MYO10: variants seen among roughly 807,000 people sequenced by gnomAD.
MYO10 encodes unconventional myosin-X.
In MYO10, 133 loss-of-function variants were observed where a neutral mutation model predicts 257.3. That is an observed-to-expected ratio of 0.52 (90% confidence interval 0.45 to 0.60). The LOEUF (loss-of-function observed/expected upper bound fraction) is 0.60. MYO10 is among the 20% of genes least tolerant of loss of function. The probability of loss-of-function intolerance (pLI) is 0.00; values close to 1 mark genes in which losing one functional copy is unlikely to be tolerated. For synonymous variants in MYO10, 1,104 were observed against 1,028.6 expected, an observed-to-expected ratio of 1.07 and a Z score of -1.40; for missense variants, 2,399 against 2,635.7, an observed-to-expected ratio of 0.91 and a Z score of 1.97.
chr5:16,926,704 CAAA>C (rs34123697), intron 1 of MYO10, among the ~76,000 whole-genome samples: 54 of 134,712 alleles, frequency 4.0e-4, no homozygotes, highest in South Asian at 4.6e-4. Flanking sequence ...TCTGTCCCAG[CAAA>C]AAAAAAAAAA....
At chr5:16,738,432 C>A (rs1268416098) in intron 19 of MYO10, 12 of 984,182 alleles carry the variant, frequency 1.2e-5, no homozygotes, top group Non-Finnish European at 1.4e-5. Context: ...GTCACAGACT[C>A]TTTTTGGAAA....
At chr5:16,717,025 T>C (rs1427908070) in intron 19 of MYO10, among the ~76,000 whole-genome samples, 1 of 152,082 alleles carries the variant, frequency 6.6e-6, no homozygotes, top group Non-Finnish European at 1.5e-5. Context: ...TTAGTAGAGA[T>C]GGGGTTTTCC....
chr5:16,902,710 C>A, intron 1 of MYO10: 1 of 822,300 alleles, frequency 1.2e-6, no homozygotes, highest in Non-Finnish European at 2.0e-6. Flanking sequence ...GGGTTTCAGT[C>A]AAGCTTGTCT....
At chr5:16,880,911 T>C (rs953471279) in intron 1 of MYO10, among the ~76,000 whole-genome samples, 1 of 152,218 alleles carries the variant, frequency 6.6e-6, no homozygotes, top group African/African-American at 2.4e-5. Context: ...AAGTGCCTGA[T>C]GACTTTTTTC....
chr5:16,779,339 G>GT (rs750000077), intron 9 of MYO10, among the ~76,000 whole-genome samples: 1 of 152,084 alleles, frequency 6.6e-6, no homozygotes, highest in Non-Finnish European at 1.5e-5. Flanking sequence ...TCTAAGGAAA[G>GT]AAGAGTCCTC....
intron 27 of MYO10, 32 bp from the exon 28 acceptor site, chr5:16,689,951 C>A: frequency 6.8e-7 from 1 of 1,465,226 alleles, no homozygotes; most frequent in Middle Eastern, 1.7e-4. Context: ...AAACGCACAT[C>A]AGGAACACCA....
intron 36 of MYO10, 129 bp downstream of exon 36, chr5:16,673,553 T>C: frequency 1.2e-6 from 1 of 854,290 alleles, no homozygotes; most frequent in Non-Finnish European, 1.8e-6. Flanking sequence ...ATTTCCTTAG[T>C]ATTGAGAGCT....
intron 2 of MYO10, among the ~76,000 whole-genome samples, chr5:16,875,662 C>G (rs943613440): frequency 1.3e-5 from 2 of 152,194 alleles, no homozygotes; most frequent in African/African-American, 4.8e-5. Flanking sequence ...GAGTTACAAA[C>G]ACAGTATTAA....
rs1388030344 is a variant in MYO10 at position 16,812,408 on chromosome 5, C to T, written c.279+5601G>A. The stretch of plus-strand genomic sequence containing the variant: ...CTCGGTACGGCCTCTGTCCCCTCAG[C>T]GACAAGCCTGGGACAGGAATGCACC... On this transcript the variant is annotated intron_variant, in intron 3 of 40. Transcript: ENST00000513610. 2.0e-5 allele frequency among the ~76,000 whole-genome samples: 3 copies of T among 152,298 alleles called. No individual in the cohort carries two copies. The East Asian group carries it at 5.8e-4, about 29-fold the overall frequency.
chr5:16,857,302 G>A (rs1284913526), intron 2 of MYO10, among the ~76,000 whole-genome samples: 1 of 152,176 alleles, frequency 6.6e-6, no homozygotes, highest in Non-Finnish European at 1.5e-5. Context: ...ACACAATACT[G>A]CTCAATAAGG....
At chr5:16,792,742 G>A (rs1000835484) in intron 4 of MYO10, among the ~76,000 whole-genome samples, 2 of 152,112 alleles carry the variant, frequency 1.3e-5, no homozygotes, top group African/African-American at 2.4e-5. Flanking sequence ...TGTGATTCGG[G>A]GCTGCAGTGC....
chr5:16,841,816 A>G (rs537192834), intron 2 of MYO10, among the ~76,000 whole-genome samples: 5 of 152,196 alleles, frequency 3.3e-5, no homozygotes, highest in Non-Finnish European at 7.3e-5. Context: ...AATAAAGCTC[A>G]TGATCTCTTT....
At chr5:16,888,164 C>T (rs1343902692) in intron 1 of MYO10, among the ~76,000 whole-genome samples, 1 of 152,258 alleles carries the variant, frequency 6.6e-6, no homozygotes, top group East Asian at 1.9e-4. Flanking sequence ...ATCCTTCCAC[C>T]AAATATCTCC....
At position 16,747,496 on chromosome 5, in the gene MYO10, G is replaced by C. The variant is rs1019118982; in HGVS notation, c.1929+7332C>G. Among the ~76,000 whole-genome samples, 2 of 152,178 alleles carry C rather than the reference G, an allele frequency of 1.3e-5. 1 individual carries two copies. The highest frequency in any genetic ancestry group is 4.8e-5 in the African/African-American group (2 of 41,444). On this transcript the variant is annotated intron_variant, in intron 19 of 40. Coordinates refer to ENST00000513610, the MANE Select transcript of MYO10 (RefSeq NM_012334.3). The stretch of plus-strand genomic sequence containing the variant: ...CTGAGGTGTGCAGCAGGGTGCAAAG[G>C]CTGAGACAGGCCCTGCAGAGCTGCA...
intron 4 of MYO10, among the ~76,000 whole-genome samples, chr5:16,788,171 G>A (rs541820791): frequency 2.6e-5 from 4 of 152,232 alleles, no homozygotes; most frequent in South Asian, 2.1e-4. Flanking sequence ...AAGGTGATGC[G>A]GGAAGGGCCG....
In MYO10 at chr5:16,935,785, T is replaced by A; in HGVS notation, c.21+3A>T. On this transcript the variant is annotated splice_donor_region_variant and intron_variant, in intron 1 of 40. Transcript: ENST00000513610. ...GGCCAGGTCGGACTGGGAGCGCACT[T>A]ACCTCGGTGAAGAAGTTATCCATTG... 1.9e-6 allele frequency: 3 copies of A among 1,613,372 alleles called. No homozygotes were observed. The highest frequency in any genetic ancestry group is 2.2e-5 in the South Asian group (2 of 91,052).
At position 16,661,985 on chromosome 5, in the gene MYO10, G is replaced by A. The variant is rs934603010; in HGVS notation, c.*4707C>T. The A allele has an allele frequency of 1.3e-5, 2 of 152,154 alleles. No individual in the cohort carries two copies. Among genetic ancestry groups the A allele is most frequent in the Non-Finnish European group, 2.9e-5 (2 of 68,034 alleles). The allele number at this position is 152,154 out of a possible 1,614,324, so 9.4% of individuals were successfully genotyped here. A position where few individuals can be genotyped will look rare whatever the true frequency, so the allele number is the denominator to read the frequency against. On this transcript the variant is annotated 3_prime_UTR_variant, in exon 41 of 41. Coordinates refer to ENST00000513610, the MANE Select transcript of MYO10 (RefSeq NM_012334.3). The stretch of plus-strand genomic sequence containing the variant: ...TCTGTACTGTAGTTCACTGACCCCT[G>A]ATCTAAAAGATTACATACTTTGAAA...
At chr5:16,798,821 A>G (rs1742038904) in intron 3 of MYO10, among the ~76,000 whole-genome samples, 1 of 152,156 alleles carries the variant, frequency 6.6e-6, no homozygotes, top group African/African-American at 2.4e-5. Context: ...CTGACAAGCA[A>G]CAGTCAACAC....
In MYO10 at chr5:16,670,998, A is replaced by G. The variant is rs1165793963; in HGVS notation, c.5431-20T>C. The stretch of plus-strand genomic sequence containing the variant: ...GTGGGCCTGAAAGGAGACAGTCAAC[A>G]GCTTTCCGGTCAACGCACTGCCATG... On this transcript the variant is annotated intron_variant, in intron 38 of 40. Transcript: ENST00000513610. 1 of 1,588,874 alleles carries G rather than the reference A, an allele frequency of 6.3e-7. No individual in the cohort carries two copies. The highest frequency in any genetic ancestry group is 8.6e-7 in the Non-Finnish European group (1 of 1,163,952).
Sources: allele counts gnomAD v4.1 joint callset (sites outside exome capture counted in the v4.1 genomes callset), GRCh38; gene constraint gnomAD v4.1.1; transcripts MANE v1.5; gene names NCBI Gene and HGNC (gene_info 2026-07-23, HGNC 2026-07-21).